ABCG2: variants seen among roughly 807,000 people sequenced by gnomAD.
ABCG2 encodes ATP binding cassette subfamily G member 2 (JR blood group), also known as broad substrate specificity ATP-binding cassette transporter ABCG2.
In ABCG2, 80 loss-of-function variants were observed where a neutral mutation model predicts 73.5. The ratio of observed to expected loss-of-function variants is 1.09; its 90% CI spans 0.91 to 1.31. The LOEUF (loss-of-function observed/expected upper bound fraction) is 1.31, where lower values mean the gene tolerates loss of function less well. Among genes scored for constraint, ABCG2 ranks in the 50% most tolerant of loss-of-function variants. ABCG2 has a pLI of 0.00. For synonymous variants in ABCG2, 269 were observed against 282.4 expected (o/e 0.95, Z 0.48); for missense variants, 796 against 786.2 (o/e 1.01, Z -0.15).
chr4:88,165,510 C>T (rs1450383015), intron 1 of ABCG2, among the ~76,000 whole-genome samples: 9 of 152,224 alleles, frequency 5.9e-5, no homozygotes, highest in African/African-American at 1.9e-4. Context: ...CCTCCCTCTT[C>T]CACCTTTAAG....
chr4:88,143,624 A>G (rs984583611), intron 1 of ABCG2, among the ~76,000 whole-genome samples: 7 of 152,124 alleles, frequency 4.6e-5, no homozygotes, highest in Admixed American at 3.9e-4. Flanking sequence ...TTCCTGTGAT[A>G]GGATTAAATG....
intron 1 of ABCG2, among the ~76,000 whole-genome samples, chr4:88,194,549 CAAAAAAAAAAAAAAAAAAA>C (rs58945293): frequency 5.5e-4 from 29 of 52,592 alleles, no homozygotes; most frequent in African/African-American, 2.4e-3. Context: ...GACTCCGTCT[CAAAAAAAAAAAAAAAAAAA>C]AAAAAAAAAA....
At position 88,121,742 on chromosome 4, in the gene ABCG2, A is replaced by C. The variant is rs1723999846; in HGVS notation, c.582T>G (p.Thr194=). 1.9e-6 allele frequency: 3 copies of C among 1,613,914 alleles called. No homozygotes were observed. Among genetic ancestry groups the C allele is most frequent in the African/African-American group, 1.3e-5 (1 of 74,940 alleles). Residue 194 remains threonine, a synonymous_variant, in exon 6 of 16, where the codon ACT becomes ACG. Transcript: ENST00000237612. ...RGVSGGERKR[T]SIGMELITDP... The stretch of plus-strand genomic sequence containing the variant: ...CAGTGATAAGCTCCATTCCTATACT[A>C]GTCCTTTTTCTTTCTCCTCCAGACA...
chr4:88,102,780 TG>T (rs1722517297), intron 10 of ABCG2, among the ~76,000 whole-genome samples: 1 of 151,896 alleles, frequency 6.6e-6, no homozygotes, highest in African/African-American at 2.4e-5. Context: ...ATCATTTAAA[TG>T]GCGTAAAAAC....
At chr4:88,150,156 A>G (rs1726352562) in intron 1 of ABCG2, among the ~76,000 whole-genome samples, 1 of 152,134 alleles carries the variant, frequency 6.6e-6, no homozygotes, top group Admixed American at 6.5e-5. Flanking sequence ...ATCTCTATTA[A>G]ACATACAAAA....
intron 1 of ABCG2, among the ~76,000 whole-genome samples, chr4:88,187,763 ATAT>A (rs1449828198): frequency 6.6e-6 from 1 of 152,232 alleles, no homozygotes; most frequent in Non-Finnish European, 1.5e-5. Context: ...ATTAAAAATT[ATAT>A]TAAAGGGATG....
chr4:88,095,645 G>C (rs1267608151), intron 13 of ABCG2, 36 bp from the exon 14 acceptor site: 2 of 1,546,106 alleles, frequency 1.3e-6, no homozygotes, highest in South Asian at 1.1e-5. Flanking sequence ...AGGCCTGCTT[G>C]AGTAATTTCA....
chr4:88,160,748 C>G (rs950359042), upstream of ABCG2, among the ~76,000 whole-genome samples: 3 of 147,320 alleles, frequency 2.0e-5, no homozygotes, highest in African/African-American at 7.6e-5. Flanking sequence ...ACCCAGGAGG[C>G]TGAGGCAGGA....
At chr4:88,109,951 T>C (rs914245260) in intron 9 of ABCG2, among the ~76,000 whole-genome samples, 4 of 152,212 alleles carry the variant, frequency 2.6e-5, no homozygotes, top group African/African-American at 9.6e-5. Flanking sequence ...TTTTACTTTA[T>C]TTTTTATTAT....
intron 1 of ABCG2, among the ~76,000 whole-genome samples, chr4:88,180,195 A>G (rs997989732): frequency 2.6e-5 from 4 of 152,198 alleles, no homozygotes; most frequent in Non-Finnish European, 5.9e-5. Flanking sequence ...AATAAGTAAC[A>G]TATAATGGAG....
At chr4:88,119,016 C>T (rs1723781057) in intron 6 of ABCG2, among the ~76,000 whole-genome samples, 1 of 152,156 alleles carries the variant, frequency 6.6e-6, no homozygotes, top group African/African-American at 2.4e-5. Flanking sequence ...TGTGTGCCCA[C>T]CCAAATCTCA....
At chr4:88,144,449 C>CTTTTTTTTTTTTTTTT (rs59434855) in intron 1 of ABCG2, among the ~76,000 whole-genome samples, 1 of 77,582 alleles carries the variant, frequency 1.3e-5, no homozygotes, top group Non-Finnish European at 2.2e-5. Context: ...CACATTTTTA[C>CTTTTTTTTTTTTTTTT]TTTTTTTTTT....
intron 1 of ABCG2, among the ~76,000 whole-genome samples, chr4:88,179,423 GGAAAGCC>G: frequency 6.6e-6 from 1 of 152,098 alleles, no homozygotes; most frequent in Non-Finnish European, 1.5e-5. Context: ...CCGTACACCT[GGAAAGCC>G]TTCCCAAGAA....
At chr4:88,181,435 A>G (rs907927603) in intron 1 of ABCG2, among the ~76,000 whole-genome samples, 2 of 148,984 alleles carry the variant, frequency 1.3e-5, no homozygotes, top group African/African-American at 5.0e-5. Flanking sequence ...AATGGGCTGT[A>G]AGATATTATT....
intron 1 of ABCG2, among the ~76,000 whole-genome samples, chr4:88,165,162 G>A (rs1469181604): frequency 6.6e-6 from 1 of 152,230 alleles, no homozygotes; most frequent in African/African-American, 2.4e-5. Context: ...TGGATGTGCT[G>A]AGGGTATGGG....
intron 1 of ABCG2, among the ~76,000 whole-genome samples, chr4:88,144,449 C>CTTTTTTTTTTTTT (rs59434855): frequency 1.3e-5 from 1 of 77,582 alleles, no homozygotes; most frequent in African/African-American, 5.8e-5. Flanking sequence ...CACATTTTTA[C>CTTTTTTTTTTTTT]TTTTTTTTTT....
At chr4:88,192,914 T>C (rs1014280743) in intron 1 of ABCG2, among the ~76,000 whole-genome samples, 1 of 141,636 alleles carries the variant, frequency 7.1e-6, no homozygotes, top group Non-Finnish European at 1.5e-5. Flanking sequence ...GGTTTTGCCA[T>C]GTTGGCCAGG....
intron 1 of ABCG2, among the ~76,000 whole-genome samples, chr4:88,230,332 T>C (rs1237543933): frequency 2.2e-5 from 3 of 134,774 alleles, no homozygotes; most frequent in East Asian, 4.3e-4. Flanking sequence ...CACATATATA[T>C]ATATATATAT....
In ABCG2 at chr4:88,167,499, G is replaced by A. The variant is rs376940569; in HGVS notation, c.-19-27485C>T. Among the ~76,000 whole-genome samples the A allele has an allele frequency of 9.5e-5, 14 of 147,436 alleles. No individual in the cohort carries two copies. In the East Asian group the frequency reaches 2.3e-3, roughly 24 times the overall value. On this transcript the variant is annotated intron_variant, in intron 1 of 15. Coordinates refer to the ABCG2 transcript ENST00000515655. ...AGCAATTATCCTGCCTCAACCTCCC[G>A]AGTAGCTGGACTACAGGCATGCGTC...
Sources: gnomAD v4.1 joint callset for allele counts (sites outside exome capture counted in the v4.1 genomes callset) on GRCh38, gnomAD v4.1.1 for gene constraint, MANE v1.5 for transcripts, NCBI Gene and HGNC (gene_info 2026-07-23, HGNC 2026-07-21) for gene names.